Variants in EXOC4 observed in about 807,000 individuals in gnomAD.
EXOC4 encodes exocyst complex component 4.
A neutral mutation model predicts 107.2 loss-of-function variants in EXOC4; 71 were observed. The observed-to-expected ratio is 0.66, with a 90% CI of 0.55 to 0.81. The LOEUF is 0.81. Among genes scored for constraint, EXOC4 ranks in the 30% least tolerant of loss-of-function variants. The pLI, the probability that EXOC4 is intolerant of heterozygous loss-of-function variation, is 0.00. For missense variants in EXOC4, 1,108 were observed against 1,189.6 expected (o/e 0.93, Z 1.01); for synonymous variants, 456 against 441.2 (o/e 1.03, Z -0.42).
intron 14 of EXOC4, among the ~76,000 whole-genome samples, chr7:133,971,359 TATAG>T (rs1205715380): frequency 5.2e-3 from 502 of 96,658 alleles, no homozygotes; most frequent in Non-Finnish European, 6.5e-3. Flanking sequence ...TATATATATA[TATAG>T]AGAGAGAGAG....
chr7:133,305,885 A>G lies in EXOC4; in HGVS notation c.480A>G (p.Ala160=). The G allele has an allele frequency of 1.9e-6, 3 of 1,601,954 alleles. No homozygotes were observed. Among genetic ancestry groups the G allele is most frequent in the Non-Finnish European group, 2.6e-6 (3 of 1,174,972 alleles). The change falls in exon 4 of 18, where the codon GCA becomes GCG. Residue 160 remains alanine, a synonymous_variant. Transcript: ENST00000253861. ...YLSATDMLVS[A]VESLEGPLLQ... ...TTTTTTTCTCTTTTCAGGTGTCAGC[A>G]GTTGAGTCTTTGGAGGGCCCCCTGC...
At chr7:133,461,624 G>A (rs1213601838) in intron 7 of EXOC4, among the ~76,000 whole-genome samples, 2 of 152,152 alleles carry the variant, frequency 1.3e-5, no homozygotes, top group East Asian at 1.9e-4. Context: ...CTTTCAGGTC[G>A]TTAGGGTGGC....
At chr7:133,586,278 T>A (rs1165370219) in intron 9 of EXOC4, among the ~76,000 whole-genome samples, 2 of 152,068 alleles carry the variant, frequency 1.3e-5, no homozygotes, top group African/African-American at 2.4e-5. Flanking sequence ...TGTTGTTCCC[T>A]TCCTTGTCTC....
Position 133,915,387 on chromosome 7 carries a change from T to C in EXOC4, c.1872-2196T>C, listed in dbSNP as rs114468511. Among the ~76,000 whole-genome samples, 840 of 152,198 alleles carry C rather than the reference T, an allele frequency of 5.5e-3. 9 individuals carry two copies. Among genetic ancestry groups the C allele is most frequent in the African/African-American group, 0.019 (783 of 41,522 alleles). ...CCTAACTAGAGGAATTACTGGAAAT[T>C]AATGAGGATGAAGCAGATTTGAACA... On this transcript the variant is annotated intron_variant, in intron 12 of 17. Coordinates refer to ENST00000253861, the MANE Select transcript of EXOC4 (RefSeq NM_021807.4).
At chr7:133,572,069 T>C (rs1009632135) in intron 9 of EXOC4, among the ~76,000 whole-genome samples, 1 of 152,220 alleles carries the variant, frequency 6.6e-6, no homozygotes, top group African/African-American at 2.4e-5. Context: ...AGTGAGTTAC[T>C]GGGTGAAAAT....
At chr7:133,791,686 C>T (rs933247460) in intron 10 of EXOC4, among the ~76,000 whole-genome samples, 1 of 152,072 alleles carries the variant, frequency 6.6e-6, no homozygotes, top group Non-Finnish European at 1.5e-5. Context: ...ACTAGGTTCC[C>T]GAAAACTTAA....
At chr7:133,993,485 G>A (rs1278154398) in intron 14 of EXOC4, among the ~76,000 whole-genome samples, 1 of 152,178 alleles carries the variant, frequency 6.6e-6, no homozygotes, top group Non-Finnish European at 1.5e-5. Flanking sequence ...GGAAATGAGG[G>A]TGGGAGAGAG....
intron 5 of EXOC4, among the ~76,000 whole-genome samples, chr7:133,335,138 G>A (rs924173492): frequency 4.6e-5 from 7 of 152,118 alleles, no homozygotes; most frequent in Admixed American, 6.5e-5. Context: ...CTAGAAGAGG[G>A]ATAGCTCAAT....
At chr7:133,586,478 T>C (rs1435543936) in intron 9 of EXOC4, among the ~76,000 whole-genome samples, 1 of 152,296 alleles carries the variant, frequency 6.6e-6, no homozygotes, top group East Asian at 1.9e-4. Context: ...TATTCCATGG[T>C]CGTGTATATG....
At chr7:133,476,169 G>T (rs537534880) in intron 8 of EXOC4, among the ~76,000 whole-genome samples, 23 of 152,188 alleles carry the variant, frequency 1.5e-4, no homozygotes, top group Non-Finnish European at 2.8e-4. Flanking sequence ...AACGTTTATT[G>T]AGTTCTTACT....
chr7:133,832,218 C>T (rs1258187643), intron 11 of EXOC4, among the ~76,000 whole-genome samples: 1 of 152,194 alleles, frequency 6.6e-6, no homozygotes, highest in African/African-American at 2.4e-5. Context: ...TCTCCCTACA[C>T]CCTTCAAAGA....
chr7:133,588,960 A>G (rs74951752), intron 9 of EXOC4, among the ~76,000 whole-genome samples: 4 of 114,776 alleles, frequency 3.5e-5, no homozygotes, highest in South Asian at 3.0e-4. Flanking sequence ...GTGTGTGCAC[A>G]TATGTGTGTG....
At chr7:134,075,402 A>G in the EXOC4 span, among the ~76,000 whole-genome samples, 1 of 152,230 alleles carries the variant, frequency 6.6e-6, no homozygotes, top group Non-Finnish European at 1.5e-5. Context: ...TTTATAAGGA[A>G]AAAGGGGTTT....
At chr7:133,266,016 AT>A (rs1250213874) in intron 1 of EXOC4, among the ~76,000 whole-genome samples, 26 of 152,198 alleles carry the variant, frequency 1.7e-4, no homozygotes, top group Admixed American at 1.7e-3. Flanking sequence ...AGTTTGGTAT[AT>A]TAGTCTGCTT....
At chr7:133,887,166 C>T (rs960643034) in intron 11 of EXOC4, among the ~76,000 whole-genome samples, 1 of 152,194 alleles carries the variant, frequency 6.6e-6, no homozygotes, top group African/African-American at 2.4e-5. Flanking sequence ...CATCCCTTCC[C>T]CTCCAAATGC....
intron 8 of EXOC4, among the ~76,000 whole-genome samples, chr7:133,476,527 T>C (rs889139916): frequency 1.3e-5 from 2 of 152,200 alleles, no homozygotes; most frequent in African/African-American, 4.8e-5. Context: ...TTGATTCACA[T>C]TTGAGGCTTG....
chr7:133,665,849 A>G (rs1217803493), intron 10 of EXOC4, among the ~76,000 whole-genome samples: 1 of 152,110 alleles, frequency 6.6e-6, no homozygotes, highest in Non-Finnish European at 1.5e-5. Context: ...TGTCATTTTC[A>G]AGCTAGATTC....
At chr7:133,739,782 C>T (rs928878932) in intron 10 of EXOC4, among the ~76,000 whole-genome samples, 5 of 152,278 alleles carry the variant, frequency 3.3e-5, no homozygotes, top group African/African-American at 1.2e-4. Flanking sequence ...ATTAGAAAGC[C>T]ACCAAAGCAA....
At chr7:134,022,319 C>T (rs1164115538) in intron 17 of EXOC4, among the ~76,000 whole-genome samples, 2 of 152,126 alleles carry the variant, frequency 1.3e-5, no homozygotes, top group African/African-American at 4.8e-5. Flanking sequence ...GACACATAAC[C>T]AGCATTTGAA....
Sources: gnomAD v4.1 joint callset for allele counts (sites outside exome capture counted in the v4.1 genomes callset) on GRCh38, gnomAD v4.1.1 for gene constraint, MANE v1.5 for transcripts, NCBI Gene and HGNC (gene_info 2026-07-23, HGNC 2026-07-21) for gene names.